The following PLCL2 variants were observed in gnomAD, a reference collection of about 807,000 sequenced individuals.
The protein encoded by PLCL2 is inactive phospholipase C-like protein 2.
A neutral mutation model predicts 79.6 loss-of-function variants in PLCL2; 4 were observed. That is an observed-to-expected ratio of 0.05 (90% CI 0.02 to 0.11). PLCL2 has a LOEUF of 0.11. Ranked by LOEUF, PLCL2 falls within the 10% of genes least tolerant of loss-of-function variation. PLCL2 has a pLI of 1.00. For synonymous variants in PLCL2, 484 were observed against 457.7 expected (o/e 1.06, Z -0.73); for missense variants, 895 against 1,291.0 (o/e 0.69, Z 4.70).
intron 5 of PLCL2, among the ~76,000 whole-genome samples, chr3:17,080,693 C>CG (rs1173161380): frequency 2.0e-5 from 3 of 152,144 alleles, no homozygotes; most frequent in Non-Finnish European, 4.4e-5. Flanking sequence ...TCAGGTGATC[C>CG]GCCCACCTCG....
intron 3 of PLCL2, among the ~76,000 whole-genome samples, chr3:17,026,760 A>T (rs2064521637): frequency 1.3e-5 from 2 of 152,184 alleles, no homozygotes; most frequent in East Asian, 3.9e-4. Context: ...CCAGCTGCTC[A>T]GGAGGCTGAG....
chr3:17,049,479 A>C (rs899091073), intron 4 of PLCL2, among the ~76,000 whole-genome samples: 4 of 152,204 alleles, frequency 2.6e-5, no homozygotes, highest in African/African-American at 9.6e-5. Context: ...AAATGCAGTA[A>C]AGCTGTAGGA....
intron 5 of PLCL2, among the ~76,000 whole-genome samples, chr3:17,088,031 A>T (rs1453275015): frequency 6.6e-6 from 1 of 152,200 alleles, no homozygotes; most frequent in Non-Finnish European, 1.5e-5. Context: ...GAATGAATAA[A>T]AATGAAGCTC....
In PLCL2 at chr3:17,011,260, G is replaced by C. The variant is rs760611923; in HGVS notation, c.1914G>C (p.Gln638His). ...TCAAAGAATTTCAGGTGTCGTTTCAGGTTCAGAAGTACTGGGAAGTCTGTT... is the reference window on the plus strand; with the variant it reads ...TCAAAGAATTTCAGGTGTCGTTTCACGTTCAGAAGTACTGGGAAGTCTGTT... The part of the protein sequence containing the change: ...VQFKEFQVSF[Q>H]VQKYWEVCSF... The change falls in exon 2 of 6, where the codon CAG (glutamine) becomes CAC (histidine). Residue 638 changes from glutamine (Q) to histidine (H), a missense_variant. Coordinates refer to ENST00000615277, the MANE Select transcript of PLCL2 (RefSeq NM_001144382.2). This position sits in a 1 kb window ranked among gnomAD's most constrained non-coding sequence, Gnocchi z 7.9. 6.2e-7 allele frequency: 1 copy of C among 1,614,238 alleles called. No individual in the cohort carries two copies. Among genetic ancestry groups the C allele is most frequent in the Admixed American group, 1.7e-5 (1 of 60,030 alleles).
intron 5 of PLCL2, among the ~76,000 whole-genome samples, chr3:17,073,265 T>G (rs1191061679): frequency 6.6e-6 from 1 of 152,244 alleles, no homozygotes; most frequent in Non-Finnish European, 1.5e-5. Context: ...CACATGATTT[T>G]TTTGGTTTCC....
At chr3:17,052,706 T>G (rs1198748843) in intron 4 of PLCL2, among the ~76,000 whole-genome samples, 1 of 152,062 alleles carries the variant, frequency 6.6e-6, no homozygotes, top group East Asian at 1.9e-4. Flanking sequence ...ACCAACCCCT[T>G]CTCTCCTTCC....
At chr3:16,919,703 A>G (rs1156912670) in intron 1 of PLCL2, among the ~76,000 whole-genome samples, 2 of 151,872 alleles carry the variant, frequency 1.3e-5, no homozygotes, top group Non-Finnish European at 2.9e-5. Context: ...GAAAAAGTAT[A>G]CTCCTTATGA....
intron 1 of PLCL2, among the ~76,000 whole-genome samples, chr3:17,000,910 C>G (rs1215719272): frequency 1.3e-5 from 2 of 152,106 alleles, no homozygotes; most frequent in Non-Finnish European, 2.9e-5. Context: ...CTTCAATGCA[C>G]TGATTTCCTT....
chr3:16,917,706 T>TG (rs1697030428), intron 1 of PLCL2, among the ~76,000 whole-genome samples: 1 of 152,206 alleles, frequency 6.6e-6, no homozygotes, highest in African/African-American at 2.4e-5. Context: ...AAAAGCTGCA[T>TG]GGCCTCTTCT....
At chr3:16,967,200 C>A (rs1327177867) in intron 1 of PLCL2, among the ~76,000 whole-genome samples, 2 of 152,060 alleles carry the variant, frequency 1.3e-5, no homozygotes, top group African/African-American at 4.8e-5. Context: ...TGCGTCTTTG[C>A]TATTGTGAGT....
intron 3 of PLCL2, among the ~76,000 whole-genome samples, chr3:17,034,420 A>G (rs950049566): frequency 2.0e-5 from 3 of 152,210 alleles, no homozygotes; most frequent in African/African-American, 7.2e-5. Flanking sequence ...AAATAAAAAA[A>G]ATTATCAGGT....
chr3:16,956,013 C>T (rs988131127), intron 1 of PLCL2, among the ~76,000 whole-genome samples: 2 of 152,086 alleles, frequency 1.3e-5, no homozygotes, highest in Non-Finnish European at 2.9e-5. Flanking sequence ...AATTGAATAC[C>T]CTTGATTTCC....
rs199932260 is a variant in PLCL2, at chr3:17,011,014, A to C, written c.1668A>C (p.Pro556=). 1.2e-6 allele frequency: 2 copies of C among 1,614,022 alleles called. No individual in the cohort carries two copies. Among genetic ancestry groups the C allele is most frequent in the Non-Finnish European group, 1.7e-6 (2 of 1,179,948 alleles). The change falls in exon 2 of 6, where the codon CCA becomes CCC. Residue 556 remains proline, a synonymous_variant. Coordinates refer to ENST00000615277, the MANE Select transcript of PLCL2 (RefSeq NM_001144382.2). This position sits in a 1 kb window ranked among gnomAD's most constrained non-coding sequence, Gnocchi z 7.9. ...TSPNVEESYL[P]SPDVLKGKIL... ...CCAATGTTGAGGAATCTTATCTACC[A>C]TCCCCAGATGTCCTGAAAGGGAAAA...
At position 17,065,253 on chromosome 3, in the gene PLCL2, A is replaced by G. The variant is rs545298647; in HGVS notation, c.3095-2703A>G. Among the ~76,000 whole-genome samples, 4 of 152,224 alleles carry G rather than the reference A, an allele frequency of 2.6e-5. 1 individual carries two copies. The highest frequency in any genetic ancestry group is 2.6e-4 in the Admixed American group (4 of 15,298). ...AATATGAGCTTTTTAGATAGCAGCC[A>G]TGTATGCAGCTACACTTGTTTCTTT... On this transcript the variant is annotated intron_variant, in intron 4 of 5. Coordinates refer to ENST00000615277, the MANE Select transcript of PLCL2 (RefSeq NM_001144382.2).
chr3:16,898,626 T>C (rs115900031), intron 1 of PLCL2, among the ~76,000 whole-genome samples: 4 of 152,284 alleles, frequency 2.6e-5, no homozygotes, highest in Non-Finnish European at 5.9e-5. Context: ...GCAGTGGCCC[T>C]GACCTGTCCT....
chr3:17,086,530 C>G (rs983661028), intron 5 of PLCL2, among the ~76,000 whole-genome samples: 1 of 152,116 alleles, frequency 6.6e-6, no homozygotes, highest in African/African-American at 2.4e-5. Flanking sequence ...TATGGCAGTG[C>G]TTTTTCAGAT....
intron 1 of PLCL2, among the ~76,000 whole-genome samples, chr3:16,989,626 C>T (rs553982604): frequency 1.8e-4 from 27 of 152,270 alleles, no homozygotes; most frequent in African/African-American, 5.5e-4. Flanking sequence ...TTTTCAATTA[C>T]ATATGTGGCG....
intron 1 of PLCL2, among the ~76,000 whole-genome samples, chr3:16,992,746 G>C (rs567895844): frequency 6.6e-6 from 1 of 152,338 alleles, no homozygotes; most frequent in African/African-American, 2.4e-5. Flanking sequence ...GTTCTAGCCA[G>C]GCAGGCTAAG....
rs1361598939 is a variant in PLCL2 at position 16,898,785 on chromosome 3, G to A, written c.327+13419G>A. 2.6e-5 allele frequency among the ~76,000 whole-genome samples: 4 copies of A among 152,250 alleles called. No homozygotes were observed. The East Asian group carries it at 5.8e-4, about 22-fold the overall frequency. Reference sequence around the variant, plus strand: ...CATTCCTGGGAACAACAGGGACCACGGGATCTATTAGTTATGTTCCAAAAT... The same window carrying A: ...CATTCCTGGGAACAACAGGGACCACAGGATCTATTAGTTATGTTCCAAAAT... On this transcript the variant is annotated intron_variant, in intron 1 of 5. Coordinates refer to ENST00000615277, the MANE Select transcript of PLCL2 (RefSeq NM_001144382.2).
Sources: gnomAD v4.1 joint callset for allele counts (sites outside exome capture counted in the v4.1 genomes callset) on GRCh38, gnomAD v4.1.1 for gene constraint, Gnocchi (gnomAD v3.1) non-coding constraint, MANE v1.5 for transcripts, NCBI Gene and HGNC (gene_info 2026-07-23, HGNC 2026-07-21) for gene names.